Variants in CNTNAP4 observed in about 807,000 individuals in gnomAD.
CNTNAP4 encodes contactin-associated protein-like 4.
Under a neutral mutation model 148.4 loss-of-function variants are expected in CNTNAP4, and 98 were observed. The observed-to-expected ratio is 0.66, with a 90% confidence interval of 0.56 to 0.78. CNTNAP4 has a LOEUF of 0.78. CNTNAP4 is among the 30% of genes least tolerant of loss of function. The pLI is 0.00. For missense variants in CNTNAP4, 1,935 were observed against 1,565.6 expected, an observed-to-expected ratio of 1.24 and a Z score of -3.98; for synonymous variants, 730 against 565.1, an observed-to-expected ratio of 1.29 and a Z score of -4.14.
At chr16:76,405,287 T>G (rs1458550474) in intron 3 of CNTNAP4, among the ~76,000 whole-genome samples, 1 of 152,184 alleles carries the variant, frequency 6.6e-6, no homozygotes, top group African/African-American at 2.4e-5. Flanking sequence ...TTTTTCCCAG[T>G]AGCTATTTAG....
At chr16:76,410,772 G>T in intron 3 of CNTNAP4, among the ~76,000 whole-genome samples, 1 of 151,542 alleles carries the variant, frequency 6.6e-6, no homozygotes, top group Admixed American at 6.6e-5. Context: ...TTCTCTGTGT[G>T]TCCTAAAAAC....
At chr16:76,497,256 G>A (rs2082429844) in intron 14 of CNTNAP4, among the ~76,000 whole-genome samples, 1 of 152,154 alleles carries the variant, frequency 6.6e-6, no homozygotes, top group Admixed American at 6.5e-5. Context: ...AAAAGAATAT[G>A]TGTGTGGAGG....
chr16:76,301,608 G>T (rs915180958), intron 1 of CNTNAP4, among the ~76,000 whole-genome samples: 1 of 152,148 alleles, frequency 6.6e-6, no homozygotes, highest in African/African-American at 2.4e-5. Context: ...TCAGGACTTT[G>T]GGAGGGTTAC....
At chr16:76,393,644 A>G (rs115882782) in intron 3 of CNTNAP4, among the ~76,000 whole-genome samples, 4,913 of 151,896 alleles carry the variant, frequency 0.032, 239 homozygotes, top group African/African-American at 0.1. Context: ...CAAGGACTTC[A>G]TGGGGGGTGG....
At chr16:76,494,771 G>T in intron 13 of CNTNAP4, 139 bp from the exon 14 acceptor site, 1 of 890,236 alleles carries the variant, frequency 1.1e-6, no homozygotes, top group Admixed American at 2.9e-5. Context: ...ATACTGTTTT[G>T]CATATCCTTA....
At chr16:76,496,760 C>G (rs1176458887) in intron 14 of CNTNAP4, among the ~76,000 whole-genome samples, 1 of 152,036 alleles carries the variant, frequency 6.6e-6, no homozygotes, top group African/African-American at 2.4e-5. Context: ...TCCATGATAT[C>G]CAGCATGTTA....
intron 12 of CNTNAP4, among the ~76,000 whole-genome samples, chr16:76,486,821 A>G (rs1422766069): frequency 6.6e-6 from 1 of 152,112 alleles, no homozygotes; most frequent in Non-Finnish European, 1.5e-5. Context: ...CCCAAGCCTC[A>G]TAATTTTGTG....
At chr16:76,314,246 A>C (rs980375352) in intron 1 of CNTNAP4, among the ~76,000 whole-genome samples, 4 of 152,224 alleles carry the variant, frequency 2.6e-5, no homozygotes, top group African/African-American at 9.6e-5. Context: ...TATTACCACA[A>C]AGGGATCCCA....
chr16:76,488,864 T>A (rs1015598390), intron 12 of CNTNAP4, among the ~76,000 whole-genome samples: 6 of 152,196 alleles, frequency 3.9e-5, no homozygotes, highest in Admixed American at 3.3e-4. Flanking sequence ...TCTAAGAAAT[T>A]TTGATAATCA....
chr16:76,546,170 T>C (rs1199089462), intron 21 of CNTNAP4, among the ~76,000 whole-genome samples: 1 of 152,142 alleles, frequency 6.6e-6, no homozygotes, highest in Non-Finnish European at 1.5e-5. Flanking sequence ...AAGGAAGGGA[T>C]TGGCTGGGGT....
intron 2 of CNTNAP4, among the ~76,000 whole-genome samples, chr16:76,324,819 T>C (rs886092748): frequency 2.6e-5 from 4 of 152,116 alleles, no homozygotes; most frequent in African/African-American, 9.7e-5. Context: ...CCTCTTCTTA[T>C]AAAAGCATTA....
At position 76,489,678 on chromosome 16, in the gene CNTNAP4, C is replaced by T. The variant is rs904012802; in HGVS notation, c.1883-8C>T. On this transcript the variant is annotated splice_region_variant and splice_polypyrimidine_tract_variant and intron_variant, in intron 12 of 23. Transcript: ENST00000611870. ...TCCTCTCTTTCTCCCCCCATTTCTG[C>T]ATACAAGAAACTGCATGGACCATCA... 9 of 1,510,924 alleles carry T rather than the reference C, an allele frequency of 6.0e-6. No homozygotes were observed. The highest frequency in any genetic ancestry group is 8.1e-6 in the Non-Finnish European group (9 of 1,113,958). The allele number at this position is 1,510,924 out of a possible 1,614,324, so 93.6% of individuals were successfully genotyped here.
intron 15 of CNTNAP4, among the ~76,000 whole-genome samples, chr16:76,504,256 A>G (rs1336498401): frequency 4.6e-5 from 7 of 152,212 alleles, no homozygotes; most frequent in Admixed American, 4.6e-4. Flanking sequence ...AGACAAATAC[A>G]TGAATGGAAT....
intron 3 of CNTNAP4, among the ~76,000 whole-genome samples, chr16:76,404,119 A>G (rs1371394060): frequency 6.6e-6 from 1 of 152,142 alleles, no homozygotes; most frequent in African/African-American, 2.4e-5. Context: ...TGGGTAACAA[A>G]ATAATCTGTA....
intron 1 of CNTNAP4, among the ~76,000 whole-genome samples, chr16:76,289,520 C>T (rs1015337250): frequency 7.4e-6 from 1 of 136,022 alleles, no homozygotes; most frequent in Admixed American, 7.2e-5. Flanking sequence ...CTTTTCATTG[C>T]CTTTAGCATT....
rs766191257 is a variant in CNTNAP4, at chr16:76,448,204, T to A, written c.731T>A (p.Leu244His). 1.9e-6 allele frequency: 3 copies of A among 1,608,540 alleles called. No homozygotes were observed. The highest frequency in any genetic ancestry group is 3.4e-5 in the Admixed American group (2 of 59,412). ...LQLRRARLFL[L>H]INSGEAKLPS... ...TTAAGAAGAGCAAGACTCTTTTTAC[T>A]TATTAATTCAGGTAAAACTATTCGG... is the stretch of plus-strand genomic sequence containing the variant. The change falls in exon 5 of 24, where the codon CTT becomes CAT. Residue 244 changes from leucine (L) to histidine (H), a missense_variant. Physicochemically the swap from Leu to His is moderately conservative, Grantham distance 99. Coordinates refer to ENST00000611870, the MANE Select transcript of CNTNAP4 (RefSeq NM_033401.5).
rs1011334936 is a variant in CNTNAP4, at chr16:76,427,443, T to C, written c.391-9T>C. ...ATACATTGATGTGCTTCTTTCCCTT[T>C]TCTTTTAGGGTTTTTCAGGAAATGC... On this transcript the variant is annotated splice_polypyrimidine_tract_variant and intron_variant, in intron 3 of 23. Coordinates refer to ENST00000611870, the MANE Select transcript of CNTNAP4 (RefSeq NM_033401.5). 6.2e-7 allele frequency: 1 copy of C among 1,600,064 alleles called. No homozygotes were observed. Among genetic ancestry groups the C allele is most frequent in the Admixed American group, 1.7e-5 (1 of 57,304 alleles).
In CNTNAP4 at chr16:76,387,199, T is replaced by C. The variant is rs116206602; in HGVS notation, c.390+31688T>C. On this transcript the variant is annotated intron_variant, in intron 3 of 23. Transcript: ENST00000611870. ...TTGGTACACTCCATGCCTGAGAAAA[T>C]TGATACACCTACCACATGACATTTA... Among the ~76,000 whole-genome samples the C allele has an allele frequency of 2.5e-3, 384 of 152,246 alleles. 1 individual carries two copies. Among genetic ancestry groups the C allele is most frequent in the African/African-American group, 8.7e-3 (361 of 41,558 alleles).
chr16:76,486,227 C>A (rs2082020526), intron 12 of CNTNAP4, among the ~76,000 whole-genome samples: 2 of 152,156 alleles, frequency 1.3e-5, no homozygotes, highest in South Asian at 4.1e-4. Flanking sequence ...ACTCTTTTTG[C>A]ATTTAGTAAA....
Sources: allele counts gnomAD v4.1 joint callset (sites outside exome capture counted in the v4.1 genomes callset), GRCh38; gene constraint gnomAD v4.1.1; transcripts MANE v1.5; gene names NCBI Gene and HGNC (gene_info 2026-07-23, HGNC 2026-07-21).